The following POR variants were observed in gnomAD, a reference collection of about 807,000 sequenced individuals.
POR encodes the protein NADPH--cytochrome P450 reductase.
POR carries 56 observed loss-of-function variants against 84.0 expected under a neutral mutation model. The ratio of observed to expected loss-of-function variants is 0.67; its 90% CI spans 0.54 to 0.83. The LOEUF (loss-of-function observed/expected upper bound fraction) is 0.83. Ranked by LOEUF, POR falls within the 40% of genes least tolerant of loss-of-function variation. The pLI, the probability that POR is intolerant of heterozygous loss-of-function variation, is 0.00. For missense variants in POR, 938 were observed against 944.3 expected (o/e 0.99, Z 0.09); for synonymous variants, 414 against 400.5 (o/e 1.03, Z -0.40).
intron 1 of POR, among the ~76,000 whole-genome samples, chr7:75,927,968 CTTTTTTTTTTT>C (rs1243977285): frequency 2.8e-5 from 3 of 107,002 alleles, no homozygotes; most frequent in African/African-American, 7.3e-5. Flanking sequence ...TCTCAGGTTT[CTTTTTTTTTTT>C]TTTTTTTTTT....
At position 75,985,175 on chromosome 7, in the gene POR, G is replaced by A; in HGVS notation, c.1366G>A (p.Ala456Thr). The A allele has an allele frequency of 1.9e-6, 3 of 1,598,458 alleles. No homozygotes were observed. The highest frequency in any genetic ancestry group is 2.5e-6 in the Non-Finnish European group (3 of 1,179,066). ...GTGTGAGCTGCTGCCGCGCCTGCAG[G>A]CCCGCTACTACTCCATCGCCTCATC... Residue 456 changes from alanine (A) to threonine (T), a missense_variant, in exon 12 of 16, where the codon GCC becomes ACC. Transcript: ENST00000461988.
chr7:75,935,613 C>T (rs891079103), intron 1 of POR, among the ~76,000 whole-genome samples: 6 of 137,812 alleles, frequency 4.4e-5, no homozygotes, highest in Non-Finnish European at 7.7e-5. Flanking sequence ...AAGGGCTGCT[C>T]GGGGCTTGTG....
At chr7:75,919,407 G>GTGTGTGTGTGTC (rs1415181824) in intron 1 of POR, among the ~76,000 whole-genome samples, 1 of 151,882 alleles carries the variant, frequency 6.6e-6, no homozygotes, top group African/African-American at 2.4e-5. Context: ...GTGTGTGTGT[G>GTGTGTGTGTGTC]TATGCATATA....
In POR at chr7:75,979,579, G is replaced by A; in HGVS notation, c.366G>A (p.Leu122=). 2 of 1,613,096 alleles carry A rather than the reference G, an allele frequency of 1.2e-6. No homozygotes were observed. Among genetic ancestry groups the A allele is most frequent in the Non-Finnish European group, 1.7e-6 (2 of 1,179,740 alleles). The change falls in exon 4 of 16, where the codon CTG becomes CTA. Residue 122 remains leucine, a splice_region_variant and synonymous_variant. Coordinates refer to ENST00000461988, the MANE Select transcript of POR (RefSeq NM_000941.3). ...CAGCGGACCCTGAGGAGTATGACCT[G>A]GTAAGCTGCCACCGCGTGCTGGCCC...
intron 1 of POR, among the ~76,000 whole-genome samples, chr7:75,918,261 G>A (rs782709797): frequency 2.0e-5 from 3 of 152,096 alleles, no homozygotes; most frequent in Admixed American, 1.3e-4. Flanking sequence ...AGCCGAGATC[G>A]TGCTGCTGCA....
At chr7:75,980,665 C>G in intron 5 of POR, 177 bp downstream of exon 5, 1 of 1,538,440 alleles carries the variant, frequency 6.5e-7, no homozygotes. Flanking sequence ...CGAGAATGTC[C>G]CCTCCCTGTC....
At chr7:75,945,164 C>T (rs1357719173) in intron 1 of POR, among the ~76,000 whole-genome samples, 1 of 151,972 alleles carries the variant, frequency 6.6e-6, no homozygotes, top group Admixed American at 6.6e-5. Context: ...ACCTGTAGTC[C>T]CACCTACTCA....
intron 1 of POR, among the ~76,000 whole-genome samples, chr7:75,933,666 C>T (rs1475350247): frequency 1.3e-5 from 2 of 152,284 alleles, no homozygotes; most frequent in South Asian, 2.1e-4. Flanking sequence ...GTTGGGATTA[C>T]AGGCGTGAGC....
intron 8 of POR, chr7:75,983,193 T>G (rs1789164063): frequency 4.1e-6 from 1 of 244,352 alleles, no homozygotes. Context: ...ATATAAAAGT[T>G]AACCAGGCAT....
At chr7:75,932,595 T>C (rs1807474791) in intron 1 of POR, among the ~76,000 whole-genome samples, 1 of 152,074 alleles carries the variant, frequency 6.6e-6, no homozygotes, top group African/African-American at 2.4e-5. Flanking sequence ...TTTTCTGTAC[T>C]AGAAAATGCA....
intron 3 of POR, among the ~76,000 whole-genome samples, chr7:75,974,340 G>A (rs6964550): frequency 0.35 from 52,769 of 151,694 alleles, 9,617 homozygotes; most frequent in Middle Eastern, 0.46. Flanking sequence ...GAATAGCGAC[G>A]TGTGAGAAAA....
At chr7:75,939,783 T>C (rs1807878670) in intron 1 of POR, among the ~76,000 whole-genome samples, 1 of 152,032 alleles carries the variant, frequency 6.6e-6, no homozygotes. Flanking sequence ...AATTTTTGTA[T>C]TTTTAGTAGA....
In POR at chr7:75,979,876, C is replaced by T. The variant is rs1333059333; in HGVS notation, c.366+297C>T. On this transcript the variant is annotated intron_variant, in intron 4 of 15. Transcript: ENST00000461988. ...TCTCCCAAACCAAACCCACCCTCCC[C>T]AGCTGCTCCACTCCCCTCTCCTTCG... 1.9e-5 allele frequency: 8 copies of T among 411,372 alleles called. 1 individual carries two copies. The highest frequency in any genetic ancestry group is 1.1e-4 in the South Asian group (4 of 37,728). 25.5% of individuals were successfully genotyped at this position (411,372 alleles called of 1,614,324 possible).
rs1554557515 is a variant in POR at position 75,980,351 on chromosome 7, A to G, written c.379A>G (p.Ser127Gly). 1 of 1,612,694 alleles carries G rather than the reference A, an allele frequency of 6.2e-7. No homozygotes were observed. Among genetic ancestry groups the G allele is most frequent in the South Asian group, 1.1e-5 (1 of 91,082 alleles). Residue 127 changes from serine to glycine, a missense_variant, in exon 5 of 16, where the codon AGC (serine) becomes GGC (glycine). Coordinates refer to ENST00000461988, the MANE Select transcript of POR (RefSeq NM_000941.3). ...CCTGTTTCTGCAGGCCGACCTGAGC[A>G]GCCTGCCAGAGATCGACAACGCCCT...
At chr7:75,929,479 C>T (rs1807306296) in intron 1 of POR, among the ~76,000 whole-genome samples, 1 of 152,160 alleles carries the variant, frequency 6.6e-6, no homozygotes, top group Admixed American at 6.6e-5. Context: ...GTCTTGAACT[C>T]CTGACCTCAG....
At chr7:75,952,501 C>T (rs1184727345) in intron 1 of POR, among the ~76,000 whole-genome samples, 8 of 151,944 alleles carry the variant, frequency 5.3e-5, no homozygotes, top group Non-Finnish European at 8.8e-5. Context: ...GGCTGCTGGG[C>T]GGAGACGCTC....
rs1414093729 is a variant in POR, at chr7:75,985,975, G to C, written c.1722G>C (p.Glu574Asp). The change falls in exon 14 of 16, where the codon GAG (glutamate) becomes GAC (aspartate). Residue 574 changes from glutamate to aspartate, a missense_variant. Physicochemically the swap from Glu to Asp is conservative, Grantham distance 45. Coordinates refer to ENST00000461988, the MANE Select transcript of POR (RefSeq NM_000941.3). ...ACTACGGCTGCCGCCGCTCGGATGAGGACTACCTGTACCGGGAGGAGCTGG... is the reference window on the plus strand; with the variant it reads ...ACTACGGCTGCCGCCGCTCGGATGACGACTACCTGTACCGGGAGGAGCTGG... 1 of 1,584,760 alleles carries C rather than the reference G, an allele frequency of 6.3e-7. No homozygotes were observed. Among genetic ancestry groups the C allele is most frequent in the Non-Finnish European group, 8.6e-7 (1 of 1,166,926 alleles).
intron 1 of POR, among the ~76,000 whole-genome samples, chr7:75,920,036 G>C (rs1806773511): frequency 7.4e-6 from 1 of 135,592 alleles, no homozygotes; most frequent in African/African-American, 2.8e-5. Context: ...GCTGTGGACT[G>C]TTCTCCAAGA....
intron 1 of POR, among the ~76,000 whole-genome samples, chr7:75,937,471 CAAAAAAAA>C (rs782343328): frequency 2.0e-4 from 4 of 20,144 alleles, no homozygotes; most frequent in Admixed American, 5.9e-4. Flanking sequence ...GACCCTGTCT[CAAAAAAAA>C]AAAAAAAAAA....
Sources: allele counts gnomAD v4.1 joint callset (sites outside exome capture counted in the v4.1 genomes callset), GRCh38; gene constraint gnomAD v4.1.1; transcripts MANE v1.5; gene names NCBI Gene and HGNC (gene_info 2026-07-23, HGNC 2026-07-21).